CA10: variants seen among roughly 807,000 people sequenced by gnomAD.
CA10 encodes carbonic anhydrase-related protein 10.
A neutral mutation model predicts 44.2 loss-of-function variants in CA10; 14 were observed. The ratio of observed to expected loss-of-function variants is 0.32; its 90% CI spans 0.21 to 0.50. The LOEUF is 0.50. CA10 is among the 20% of genes least tolerant of loss of function. CA10 has a pLI of 0.99. For synonymous variants in CA10, 159 were observed against 141.6 expected (o/e 1.12, Z -0.87); for missense variants, 350 against 409.7 (o/e 0.85, Z 1.26).
chr17:51,678,592 G>C (rs1300311701), intron 4 of CA10, among the ~76,000 whole-genome samples: 1 of 152,136 alleles, frequency 6.6e-6, no homozygotes, highest in Non-Finnish European at 1.5e-5. Flanking sequence ...TGGCCTTGCT[G>C]GTCCAGGGAT....
chr17:52,085,129 G>C (rs1173739013), intron 1 of CA10, among the ~76,000 whole-genome samples: 1 of 152,156 alleles, frequency 6.6e-6, no homozygotes, highest in Non-Finnish European at 1.5e-5. Flanking sequence ...ACTAATCCTA[G>C]CTGATACACA....
chr17:51,722,512 T>G (rs1474461058), intron 4 of CA10, among the ~76,000 whole-genome samples: 1 of 152,234 alleles, frequency 6.6e-6, no homozygotes, highest in East Asian at 1.9e-4. Flanking sequence ...AAGAGGGATA[T>G]ATTTTTGCAG....
At chr17:51,947,442 A>G (rs1482109685) in intron 2 of CA10, among the ~76,000 whole-genome samples, 1 of 152,130 alleles carries the variant, frequency 6.6e-6, no homozygotes, top group African/African-American at 2.4e-5. Context: ...TGCAGACTAT[A>G]TTAGTGCTGT....
At chr17:51,744,510 C>T (rs966267194) in intron 4 of CA10, among the ~76,000 whole-genome samples, 1 of 151,618 alleles carries the variant, frequency 6.6e-6, no homozygotes, top group Non-Finnish European at 1.5e-5. Context: ...GTGGGGGGGC[C>T]AAGACAAAAG....
At chr17:51,822,450 A>C (rs1267078691) in intron 3 of CA10, among the ~76,000 whole-genome samples, 1 of 151,882 alleles carries the variant, frequency 6.6e-6, no homozygotes, top group Non-Finnish European at 1.5e-5. Context: ...AAAAACAAAA[A>C]AACAAACAAA....
chr17:51,722,251 G>C (rs112334579), intron 4 of CA10, among the ~76,000 whole-genome samples: 1 of 151,828 alleles, frequency 6.6e-6, no homozygotes, highest in Admixed American at 6.6e-5. Context: ...CTAATGCACC[G>C]AGAGTGACTA....
intron 2 of CA10, among the ~76,000 whole-genome samples, chr17:51,953,056 G>A (rs1279482840): frequency 6.6e-6 from 1 of 152,148 alleles, no homozygotes; most frequent in Non-Finnish European, 1.5e-5. Flanking sequence ...GTCACTGCAT[G>A]CAGCCTAGAT....
intron 4 of CA10, among the ~76,000 whole-genome samples, chr17:51,720,528 C>T (rs986872713): frequency 2.6e-5 from 4 of 152,038 alleles, no homozygotes; most frequent in Non-Finnish European, 5.9e-5. Context: ...CAACAAATGT[C>T]CATCAACACA....
chr17:52,111,519 G>A (rs1005651926), intron 1 of CA10, among the ~76,000 whole-genome samples: 1 of 152,040 alleles, frequency 6.6e-6, no homozygotes, highest in Admixed American at 6.5e-5. Flanking sequence ...GTCATGCTTG[G>A]GTTTCCATCT....
chr17:52,079,102 C>A (rs1284394436), intron 1 of CA10, among the ~76,000 whole-genome samples: 1 of 152,048 alleles, frequency 6.6e-6, no homozygotes, highest in Admixed American at 6.5e-5. Context: ...CTGGCTCACA[C>A]GGGGAAACCC....
At chr17:51,794,102 G>T (rs1274981844) in intron 3 of CA10, among the ~76,000 whole-genome samples, 1 of 152,200 alleles carries the variant, frequency 6.6e-6, no homozygotes, top group East Asian at 1.9e-4. Context: ...TTCCTGCCAG[G>T]GTTTTCGTTG....
At position 52,020,161 on chromosome 17, in the gene CA10, G is replaced by A. The variant is rs140921394; in HGVS notation, c.136+52158C>T. ...ATCATTATAAAATATCCTGTTTACC[G>A]CTGGTAATATTTTTTGCCTTAAATC... On this transcript the variant is annotated intron_variant, in intron 2 of 8. Coordinates refer to ENST00000451037, the MANE Select transcript of CA10 (RefSeq NM_020178.5). Among the ~76,000 whole-genome samples the A allele has an allele frequency of 3.1e-3, 474 of 151,850 alleles. 2 individuals are homozygous for A. Among genetic ancestry groups the A allele is most frequent in the African/African-American group, 9.8e-3 (407 of 41,462 alleles).
At chr17:52,027,406 A>G (rs1384358570) in intron 2 of CA10, among the ~76,000 whole-genome samples, 3 of 152,076 alleles carry the variant, frequency 2.0e-5, no homozygotes, top group African/African-American at 7.2e-5. Flanking sequence ...AGGAAAGGAA[A>G]TGCAACAGAC....
chr17:51,709,664 T>C (rs1431832943), intron 4 of CA10, among the ~76,000 whole-genome samples: 3 of 152,206 alleles, frequency 2.0e-5, no homozygotes, highest in Non-Finnish European at 4.4e-5. Flanking sequence ...GAATAGCATA[T>C]GCAAATGTCC....
chr17:52,117,478 C>G (rs1025157463), intron 1 of CA10, among the ~76,000 whole-genome samples: 2 of 151,976 alleles, frequency 1.3e-5, no homozygotes, highest in African/African-American at 4.8e-5. Context: ...TTTTCTCCAC[C>G]CTGAGAATTG....
intron 2 of CA10, among the ~76,000 whole-genome samples, chr17:51,967,932 A>G (rs1044673180): frequency 5.3e-5 from 8 of 151,808 alleles, no homozygotes; most frequent in African/African-American, 1.9e-4. Flanking sequence ...GTATGATGAG[A>G]TATCATTCCT....
At chr17:51,926,183 C>A (rs953307425) in intron 3 of CA10, among the ~76,000 whole-genome samples, 2 of 152,088 alleles carry the variant, frequency 1.3e-5, no homozygotes. Flanking sequence ...CAAGATGATA[C>A]TGAGAGTGGA....
In CA10 at chr17:52,030,439, T is replaced by G. The variant is rs151311730; in HGVS notation, c.136+41880A>C. On this transcript the variant is annotated intron_variant, in intron 2 of 8. Transcript: ENST00000451037. ...TTCAGGCTGACAAAGGAAACTTGCT[T>G]TAGTCCTGTGGGAATTGAAGAATCC... Among the ~76,000 whole-genome samples, 3 of 152,184 alleles carry G rather than the reference T, an allele frequency of 2.0e-5. No individual in the cohort carries two copies. The East Asian group carries it at 5.8e-4, about 29-fold the overall frequency.
chr17:52,060,294 C>T (rs1407956360), intron 2 of CA10, among the ~76,000 whole-genome samples: 1 of 152,000 alleles, frequency 6.6e-6, no homozygotes, highest in Non-Finnish European at 1.5e-5. Flanking sequence ...GATTCAGAAA[C>T]TTTCACAGCC....
Sources: allele counts gnomAD v4.1 joint callset (sites outside exome capture counted in the v4.1 genomes callset), GRCh38; gene constraint gnomAD v4.1.1; transcripts MANE v1.5; gene names NCBI Gene and HGNC (gene_info 2026-07-23, HGNC 2026-07-21).